Variants in RBFOX2 observed in about 807,000 individuals in gnomAD.
RBFOX2 encodes RNA binding fox-1 homolog 2.
A neutral mutation model predicts 49.1 loss-of-function variants in RBFOX2; 10 were observed. The observed-to-expected ratio is 0.20, with a 90% CI of 0.13 to 0.35. The LOEUF is 0.35. Ranked by LOEUF, RBFOX2 falls within the 10% of genes least tolerant of loss-of-function variation. The pLI, the probability that RBFOX2 is intolerant of heterozygous loss-of-function variation, is 1.00. For synonymous variants in RBFOX2, 183 were observed against 187.4 expected (o/e 0.98, Z 0.19); for missense variants, 323 against 486.9 (o/e 0.66, Z 3.17).
At chr22:35,845,198 A>G (rs1295722293), upstream of RBFOX2, among the ~76,000 whole-genome samples, 2 of 152,166 alleles carry the variant, frequency 1.3e-5, no homozygotes, top group Non-Finnish European at 2.9e-5. Flanking sequence ...ACCCTAACTA[A>G]GTGTAAATAA....
At chr22:35,796,499 A>T (rs1948808213) in intron 2 of RBFOX2, among the ~76,000 whole-genome samples, 1 of 152,234 alleles carries the variant, frequency 6.6e-6, no homozygotes, top group Non-Finnish European at 1.5e-5. Flanking sequence ...TAGCTAGAAA[A>T]GGGAAAAGTA....
At chr22:35,944,635 C>T (rs2054068358) in intron 1 of RBFOX2, among the ~76,000 whole-genome samples, 1 of 152,144 alleles carries the variant, frequency 6.6e-6, no homozygotes, top group Admixed American at 6.5e-5. Context: ...AAAACAATAA[C>T]CAAAGTGAAG....
chr22:35,822,915 C>G, intron 1 of RBFOX2: 1 of 368,332 alleles, frequency 2.7e-6, no homozygotes, highest in South Asian at 2.1e-5. Flanking sequence ...ACTTCCACCT[C>G]CGGGTTCAAG....
intron 1 of RBFOX2, among the ~76,000 whole-genome samples, chr22:35,870,711 G>A (rs143539849): frequency 3.9e-5 from 6 of 152,220 alleles, no homozygotes; most frequent in African/African-American, 1.4e-4. Context: ...TTTAGGTTCT[G>A]ACTCCCAGTC....
chr22:35,793,128 T>G (rs1201678850), intron 2 of RBFOX2, among the ~76,000 whole-genome samples: 1 of 152,184 alleles, frequency 6.6e-6, no homozygotes, highest in East Asian at 1.9e-4. Flanking sequence ...TCCCAGCACT[T>G]TGGGAGGCCA....
intron 1 of RBFOX2, among the ~76,000 whole-genome samples, chr22:35,903,031 TATA>T (rs1399686771): frequency 6.6e-6 from 1 of 152,174 alleles, no homozygotes; most frequent in Non-Finnish European, 1.5e-5. Context: ...TCTAATGTTC[TATA>T]ATAAGTAAAT....
At chr22:35,811,911 T>C (rs1188949992) in intron 1 of RBFOX2, among the ~76,000 whole-genome samples, 1 of 146,154 alleles carries the variant, frequency 6.8e-6, no homozygotes, top group East Asian at 2.0e-4. Flanking sequence ...CAGTGAGCCA[T>C]GATTGCATCA....
At chr22:35,740,674 T>TA (rs1294123608) in exon 12 of RBFOX2, 11 of 152,530 alleles carry the variant, frequency 7.2e-5, no homozygotes, top group Non-Finnish European at 1.3e-4. Context: ...TTCTCCTCCT[T>TA]AAACATCTAA....
chr22:35,996,600 G>C (rs1475969967), intron 1 of RBFOX2: 1 of 137,016 alleles, frequency 7.3e-6, no homozygotes, highest in Non-Finnish European at 1.5e-5. Flanking sequence ...GCAAGAGCAA[G>C]ACTCTGTCTC....
chr22:35,825,138 T>C (rs965920496), intron 1 of RBFOX2, among the ~76,000 whole-genome samples: 2 of 152,226 alleles, frequency 1.3e-5, no homozygotes, highest in Non-Finnish European at 2.9e-5. Flanking sequence ...TAGAATTGCT[T>C]GAACCCAGGA....
chr22:35,799,816 G>A (rs535071820), intron 2 of RBFOX2, among the ~76,000 whole-genome samples: 3 of 152,022 alleles, frequency 2.0e-5, no homozygotes, highest in South Asian at 2.1e-4. Flanking sequence ...AGCCGGGTGT[G>A]GGGGTACACG....
intron 1 of RBFOX2, among the ~76,000 whole-genome samples, chr22:35,910,647 A>G (rs2049705286): frequency 6.6e-6 from 1 of 152,214 alleles, no homozygotes; most frequent in African/African-American, 2.4e-5. Context: ...AGATTCCTGG[A>G]GAATTAGAAG....
intron 1 of RBFOX2, among the ~76,000 whole-genome samples, chr22:35,887,374 C>T (rs1307889819): frequency 2.0e-5 from 3 of 152,158 alleles, no homozygotes. Flanking sequence ...CTTCCTTGCC[C>T]TCCCACGCCC....
At chr22:35,840,304 C>T (rs139516153) in exon 1 of RBFOX2, 79 of 1,613,064 alleles carry the variant, frequency 4.9e-5, no homozygotes, top group East Asian at 4.2e-4. Flanking sequence ...CCCTCCCCCC[C>T]CAATCTAGCT....
intron 4 of RBFOX2, among the ~76,000 whole-genome samples, chr22:35,772,664 G>A (rs1942987113): frequency 6.6e-6 from 1 of 152,126 alleles, no homozygotes; most frequent in Non-Finnish European, 1.5e-5. Flanking sequence ...GATTTACCAG[G>A]TATCTTAGCT....
intron 1 of RBFOX2, among the ~76,000 whole-genome samples, chr22:35,976,136 T>A (rs1346045932): frequency 6.6e-6 from 1 of 152,176 alleles, no homozygotes; most frequent in Non-Finnish European, 1.5e-5. Flanking sequence ...CTCCTACCTA[T>A]CAAATGAAAA....
chr22:35,840,575 C>G, exon 1 of RBFOX2: 1 of 1,178,138 alleles, frequency 8.5e-7, no homozygotes, highest in Non-Finnish European at 1.1e-6. Flanking sequence ...CAGAAGCAGG[C>G]CTGCTGGAGA....
chr22:35,808,742 G>A (rs998366845), intron 2 of RBFOX2, among the ~76,000 whole-genome samples: 2 of 152,074 alleles, frequency 1.3e-5, no homozygotes, highest in Non-Finnish European at 2.9e-5. Context: ...CCAGCTAGAT[G>A]GGAGGCTGAG....
chr22:35,941,785 T>A (rs535610954), upstream of RBFOX2, among the ~76,000 whole-genome samples: 1 of 152,154 alleles, frequency 6.6e-6, no homozygotes, highest in Non-Finnish European at 1.5e-5. Flanking sequence ...AAAACTTCAA[T>A]AGAAAAGTTG....
Sources: gnomAD v4.1 joint callset for allele counts (sites outside exome capture counted in the v4.1 genomes callset) on GRCh38, gnomAD v4.1.1 for gene constraint, MANE v1.5 for transcripts, NCBI Gene and HGNC (gene_info 2026-07-23, HGNC 2026-07-21) for gene names.